GBP3: variants seen among roughly 807,000 people sequenced by gnomAD.
GBP3 encodes the protein guanylate-binding protein 3.
In GBP3, 55 loss-of-function variants were observed where a neutral mutation model predicts 62.4. The ratio of observed to expected loss-of-function variants is 0.88; its 90% CI spans 0.71 to 1.10. The LOEUF is 1.10. GBP3 is among the 50% of genes least tolerant of loss of function. The probability of loss-of-function intolerance (pLI) is 0.00; values close to 1 mark genes in which losing one functional copy is unlikely to be tolerated. For missense variants in GBP3, 605 were observed against 690.6 expected, an observed-to-expected ratio of 0.88 and a Z score of 1.39; for synonymous variants, 208 against 259.2, an observed-to-expected ratio of 0.80 and a Z score of 1.90.
At chr1:89,020,922 A>C (rs1016777805) in intron 1 of GBP3, among the ~76,000 whole-genome samples, 179 bp from the exon 2 acceptor site, 1 of 152,198 alleles carries the variant, frequency 6.6e-6, no homozygotes, top group African/African-American at 2.4e-5. Flanking sequence ...TATTGGTATG[A>C]CAGTAACTTA....
In GBP3 at chr1:89,015,418, T is replaced by G; in HGVS notation, c.191-4A>C. The G allele has an allele frequency of 6.2e-7, 1 of 1,610,884 alleles. No individual in the cohort carries two copies. Among genetic ancestry groups the G allele is most frequent in the Non-Finnish European group, 8.5e-7 (1 of 1,178,960 alleles). ...ACTGTGGAGCCCAGAGAGAAGCCTGTAAAGGAGAGATGGGATAAGAAGGGC... is the reference window on the plus strand; with the variant it reads ...ACTGTGGAGCCCAGAGAGAAGCCTGGAAAGGAGAGATGGGATAAGAAGGGC... On this transcript the variant is annotated splice_region_variant and splice_polypyrimidine_tract_variant and intron_variant, in intron 2 of 10. Coordinates refer to ENST00000370481, the MANE Select transcript of GBP3 (RefSeq NM_018284.3).
At position 89,014,218 on chromosome 1, in the gene GBP3, C is replaced by T; in HGVS notation, c.490G>A (p.Glu164Lys). The stretch of plus-strand genomic sequence containing the variant: ...AAGCTCACAAAGTCAGCTGAATCCT[C>T]ATTCTCATTCTCATCAGGTGAGGAT... ...SKSSPDENEN[E>K]DSADFVSFFP... Residue 164 changes from glutamate to lysine, a missense_variant, in exon 5 of 11, where the codon GAG becomes AAG. Transcript: ENST00000370481. 1 of 1,614,196 alleles carries T rather than the reference C, an allele frequency of 6.2e-7. No individual in the cohort carries two copies. Among genetic ancestry groups the T allele is most frequent in the Admixed American group, 1.7e-5 (1 of 60,028 alleles).
intron 3 of GBP3, among the ~76,000 whole-genome samples, 165 bp from the exon 4 acceptor site, chr1:89,014,821 T>C (rs945747819): frequency 1.3e-5 from 2 of 152,374 alleles, no homozygotes; most frequent in Admixed American, 1.3e-4. Context: ...AGCTGTGGAA[T>C]GTGTATAGTT....
chr1:89,009,617 C>T (rs1203534389), intron 8 of GBP3, 123 bp from the exon 9 acceptor site: 3 of 1,383,936 alleles, frequency 2.2e-6, no homozygotes, highest in Non-Finnish European at 2.9e-6. Context: ...GCCTGGTGGT[C>T]AAGATTCCCT....
Position 89,012,075 on chromosome 1 carries a change from C to T in GBP3, c.869-48G>A, listed in dbSNP as rs745393751. On this transcript the variant is annotated intron_variant, in intron 6 of 10. Transcript: ENST00000370481. ...AATGTTTCTTGTACTAAAGAAAACT[C>T]TCTATTCTGTGTAATTCTGAACATG... 3 of 1,390,738 alleles carry T rather than the reference C, an allele frequency of 2.2e-6. 1 individual carries two copies. The South Asian group carries it at 3.7e-5, about 17-fold the overall frequency. 86.1% of individuals were successfully genotyped at this position (1,390,738 alleles called of 1,614,324 possible).
At chr1:89,020,934 C>CA (rs1274613349) in intron 1 of GBP3, among the ~76,000 whole-genome samples, 191 bp from the exon 2 acceptor site, 2 of 152,080 alleles carry the variant, frequency 1.3e-5, no homozygotes, top group African/African-American at 4.8e-5. Flanking sequence ...AGTAACTTAT[C>CA]AACAGTCAAC....
intron 10 of GBP3, among the ~76,000 whole-genome samples, chr1:89,008,297 C>T (rs1678347654): frequency 6.6e-6 from 1 of 151,476 alleles, no homozygotes; most frequent in African/African-American, 2.4e-5. Flanking sequence ...TAAGTCTCTA[C>T]TCCCTGTTGG....
In GBP3 at chr1:89,009,151, A is replaced by C. The variant is rs1231957944; in HGVS notation, c.1466-11T>G. 1 of 1,612,514 alleles carries C rather than the reference A, an allele frequency of 6.2e-7. No individual in the cohort carries two copies. Among genetic ancestry groups the C allele is most frequent in the South Asian group, 1.1e-5 (1 of 91,004 alleles). Reference sequence around the variant, plus strand: ...CTTTTACACATTCCACTGTGGAGGAAGAAGAAACATTTGTGTGGAGTTATC... The same window carrying C: ...CTTTTACACATTCCACTGTGGAGGACGAAGAAACATTTGTGTGGAGTTATC... On this transcript the variant is annotated splice_polypyrimidine_tract_variant and intron_variant, in intron 9 of 10. Transcript: ENST00000370481.
chr1:89,016,756 G>A (rs1372999103), intron 2 of GBP3, among the ~76,000 whole-genome samples: 3 of 152,124 alleles, frequency 2.0e-5, no homozygotes, highest in African/African-American at 4.8e-5. Context: ...TGTATATTTT[G>A]TAGAGATGGG....
intron 1 of GBP3, among the ~76,000 whole-genome samples, chr1:89,022,240 A>G (rs962809315): frequency 1.3e-5 from 2 of 152,102 alleles, no homozygotes; most frequent in African/African-American, 4.8e-5. Flanking sequence ...AGTACTCTGC[A>G]TTACCTTTGC....
chr1:89,008,839 C>G (rs939153894), intron 10 of GBP3, 108 bp downstream of exon 10: 7 of 1,550,258 alleles, frequency 4.5e-6, no homozygotes, highest in Admixed American at 2.0e-5. Context: ...AGTGAGCAAG[C>G]AAAATCCTTC....
At chr1:89,008,083 G>T (rs921663834) in intron 10 of GBP3, among the ~76,000 whole-genome samples, 3 of 151,952 alleles carry the variant, frequency 2.0e-5, no homozygotes, top group Non-Finnish European at 4.4e-5. Flanking sequence ...ATTGATGAAG[G>T]TCTTGCTTTT....
rs1570894555 is a variant in GBP3 at position 89,013,338 on chromosome 1, G to T, written c.715C>A (p.Pro239Thr). The change falls in exon 6 of 11, where the codon CCC becomes ACC. Residue 239 changes from proline to threonine, a missense_variant. This residue lies in a region of GBP3 where 308 missense variants were observed against 318.0 expected (regional missense o/e 0.97). Transcript: ENST00000370481. ...TGGGCAAGCTTCCTGCGGTGAATGG[G>T]CAGATCGAAGACAAAACATTTTTTC... ...PKKKCFVFDL[P>T]IHRRKLAQLE... The T allele has an allele frequency of 6.2e-7, 1 of 1,614,178 alleles. No homozygotes were observed. Among genetic ancestry groups the T allele is most frequent in the African/African-American group, 1.3e-5 (1 of 75,036 alleles).
rs116239010 is a variant in GBP3 at position 89,011,259 on chromosome 1, C to T, written c.1150-143G>A. 8.1e-4 allele frequency: 883 copies of T among 1,091,030 alleles called. 74 individuals are homozygous for T. In the African/African-American group the frequency reaches 0.011, roughly 14 times the overall value. The allele number at this position is 1,091,030 out of a possible 1,614,324, so 67.6% of individuals were successfully genotyped here. A position where few individuals can be genotyped will look rare whatever the true frequency, so the allele number is the denominator to read the frequency against. On this transcript the variant is annotated intron_variant, in intron 7 of 10. Transcript: ENST00000370481. ...ACTCCTCAGCAGGACCACGCTCTTA[C>T]TCCTGACCCCACTTTCTACTGAAAT...
chr1:89,022,285 A>G (rs1201052410), intron 1 of GBP3, among the ~76,000 whole-genome samples: 2 of 152,152 alleles, frequency 1.3e-5, no homozygotes, highest in African/African-American at 4.8e-5. Context: ...ACCCATTTGT[A>G]GCTCTTTCCA....
chr1:89,016,016 TGATGATATGATCTCTGCA>T (rs1448725614), intron 2 of GBP3, among the ~76,000 whole-genome samples: 1 of 152,216 alleles, frequency 6.6e-6, no homozygotes, highest in African/African-American at 2.4e-5. Context: ...CTCTATTTAC[TGATGATATGATCTCTGCA>T]GAAAACTTTA....
chr1:89,021,931 G>A (rs1679258897), intron 1 of GBP3, among the ~76,000 whole-genome samples: 1 of 151,706 alleles, frequency 6.6e-6, no homozygotes, highest in Non-Finnish European at 1.5e-5. Context: ...GATCTAAGTC[G>A]TCTGAGTGCG....
rs773250228 is a variant in GBP3, at chr1:89,013,272, C to G, written c.781G>C (p.Val261Leu). ...GAACAGAAGTCTGCTACTTGTTGCACAAATTCAGGGTCCAGCTCTTCATCT... is the reference window on the plus strand; with the variant it reads ...GAACAGAAGTCTGCTACTTGTTGCAGAAATTCAGGGTCCAGCTCTTCATCT... ...LQDEELDPEF[V>L]QQVADFCSYI... is the part of the protein sequence containing the mutation. Residue 261 changes from valine (V) to leucine (L), a missense_variant, in exon 6 of 11, where the codon GTG (valine) becomes CTG (leucine). Coordinates refer to ENST00000370481, the MANE Select transcript of GBP3 (RefSeq NM_018284.3). 8 of 1,614,070 alleles carry G rather than the reference C, an allele frequency of 5.0e-6. No individual in the cohort carries two copies. Among genetic ancestry groups the G allele is most frequent in the African/African-American group, 1.3e-5 (1 of 74,916 alleles).
At chr1:89,015,871 C>G (rs190264428) in intron 2 of GBP3, among the ~76,000 whole-genome samples, 1 of 151,966 alleles carries the variant, frequency 6.6e-6, no homozygotes, top group Admixed American at 6.6e-5. Context: ...AAATTTTCCT[C>G]TAATATGGGA....
Sources: allele counts gnomAD v4.1 joint callset (sites outside exome capture counted in the v4.1 genomes callset), GRCh38; gene constraint gnomAD v4.1.1; regional missense constraint gnomAD v4.1.1; transcripts MANE v1.5; gene names NCBI Gene and HGNC (gene_info 2026-07-23, HGNC 2026-07-21).